CCSER2: variants seen among roughly 807,000 people sequenced by gnomAD.
CCSER2 encodes coiled-coil serine rich protein 2, also known as serine-rich coiled-coil domain-containing protein 2.
CCSER2 carries 46 observed loss-of-function variants against 92.3 expected under a neutral mutation model. The ratio of observed to expected loss-of-function variants is 0.50; its 90% confidence interval spans 0.39 to 0.64. The LOEUF (loss-of-function observed/expected upper bound fraction) is 0.64. Among genes scored for constraint, CCSER2 ranks in the 30% least tolerant of loss-of-function variants. The pLI, the probability that CCSER2 is intolerant of heterozygous loss-of-function variation, is 0.00. For missense variants in CCSER2, 1,244 were observed against 1,238.9 expected (o/e 1.00, Z -0.06); for synonymous variants, 433 against 431.4 (o/e 1.00, Z -0.04).
chr10:84,386,824 T>TA (rs1841238961), intron 3 of CCSER2, among the ~76,000 whole-genome samples: 2 of 152,176 alleles, frequency 1.3e-5, no homozygotes, highest in East Asian at 3.9e-4. Flanking sequence ...CTAAGTATAA[T>TA]AAGTCAGAAA....
chr10:84,466,085 C>CA, intron 7 of CCSER2, among the ~76,000 whole-genome samples: 1 of 152,308 alleles, frequency 6.6e-6, no homozygotes, highest in East Asian at 1.9e-4. Context: ...GTCCCTGCTC[C>CA]ATTTCCTTCC....
chr10:84,353,701 G>C (rs1162337190), intron 1 of CCSER2, among the ~76,000 whole-genome samples: 1 of 152,084 alleles, frequency 6.6e-6, no homozygotes, highest in Admixed American at 6.6e-5. Flanking sequence ...CTTTCTTCTG[G>C]ACTTAGCTGT....
intron 9 of CCSER2, among the ~76,000 whole-genome samples, chr10:84,486,040 A>G (rs1240914240): frequency 1.3e-5 from 2 of 152,178 alleles, no homozygotes; most frequent in African/African-American, 2.4e-5. Context: ...GATGGTTTCC[A>G]GCTTCATCCA....
intron 1 of CCSER2, among the ~76,000 whole-genome samples, chr10:84,343,601 A>G (rs1844321725): frequency 6.6e-6 from 1 of 152,204 alleles, no homozygotes; most frequent in Non-Finnish European, 1.5e-5. Context: ...TTAAAGGTCG[A>G]TTTCCTAAAT....
intron 5 of CCSER2, among the ~76,000 whole-genome samples, chr10:84,433,011 A>G (rs1268261523): frequency 2.6e-5 from 4 of 152,184 alleles, no homozygotes; most frequent in Non-Finnish European, 4.4e-5. Flanking sequence ...GTCGAAGATC[A>G]ATTGACTGTG....
At chr10:84,392,900 T>C (rs1841606481) in intron 3 of CCSER2, among the ~76,000 whole-genome samples, 1 of 152,134 alleles carries the variant, frequency 6.6e-6, no homozygotes. Context: ...CAATATGTTA[T>C]TTTTTAAAGT....
At chr10:84,435,969 A>G (rs1329726003) in intron 5 of CCSER2, among the ~76,000 whole-genome samples, 1 of 151,286 alleles carries the variant, frequency 6.6e-6, no homozygotes, top group Non-Finnish European at 1.5e-5. Context: ...GACTACTCAG[A>G]GGTTGTGGGT....
At chr10:84,436,423 C>A (rs1247105443) in intron 5 of CCSER2, among the ~76,000 whole-genome samples, 1 of 146,908 alleles carries the variant, frequency 6.8e-6, no homozygotes, top group East Asian at 2.1e-4. Flanking sequence ...ATCACGAGGT[C>A]AGGAAATCGA....
chr10:84,437,130 TACAC>T (rs141781493), intron 5 of CCSER2, among the ~76,000 whole-genome samples: 41 of 147,588 alleles, frequency 2.8e-4, no homozygotes, highest in South Asian at 2.0e-3. Context: ...GCCAACCAAA[TACAC>T]ACACACACAC....
At chr10:84,456,007 G>C in intron 6 of CCSER2, 1 of 539,552 alleles carries the variant, frequency 1.9e-6, no homozygotes, top group Non-Finnish European at 3.6e-6. Flanking sequence ...GCCTTCTCCA[G>C]CAACACCTTT....
chr10:84,416,636 A>T (rs970482220), intron 3 of CCSER2, among the ~76,000 whole-genome samples: 2 of 152,170 alleles, frequency 1.3e-5, no homozygotes, highest in Non-Finnish European at 2.9e-5. Flanking sequence ...CCCTTCTATA[A>T]GAGTTTTTTT....
intron 9 of CCSER2, among the ~76,000 whole-genome samples, chr10:84,506,952 A>G (rs1195421585): frequency 6.6e-6 from 1 of 152,214 alleles, no homozygotes; most frequent in African/African-American, 2.4e-5. Flanking sequence ...TATGAATATT[A>G]AATTTTATCA....
intron 9 of CCSER2, among the ~76,000 whole-genome samples, chr10:84,511,360 T>C (rs2131880732): frequency 6.6e-6 from 1 of 152,310 alleles, no homozygotes; most frequent in South Asian, 2.1e-4. Flanking sequence ...AGTACAAATT[T>C]ATAGTGCACA....
At chr10:84,495,944 A>T (rs1003303691) in intron 9 of CCSER2, among the ~76,000 whole-genome samples, 2 of 150,282 alleles carry the variant, frequency 1.3e-5, no homozygotes, top group Admixed American at 1.3e-4. Flanking sequence ...AATTTTTGCT[A>T]TGTAAGTCTG....
At chr10:84,507,390 T>G (rs1201986576) in intron 9 of CCSER2, 7 of 830,372 alleles carry the variant, frequency 8.4e-6, no homozygotes, top group South Asian at 1.1e-4. Flanking sequence ...CTTTTTTTGG[T>G]TTTTTTTTCC....
chr10:84,436,860 GAATATTTGA>G (rs1233199118), intron 5 of CCSER2, among the ~76,000 whole-genome samples: 1 of 152,120 alleles, frequency 6.6e-6, no homozygotes, highest in African/African-American at 2.4e-5. Flanking sequence ...ACCTCATACT[GAATATTTGA>G]GAATTCAGAG....
At chr10:84,387,242 T>G (rs61865047) in intron 3 of CCSER2, among the ~76,000 whole-genome samples, 8 of 152,000 alleles carry the variant, frequency 5.3e-5, no homozygotes, top group Non-Finnish European at 1.0e-4. Flanking sequence ...CTCCCCTCCC[T>G]CTAAGGGTTA....
At chr10:84,348,148 TC>T (rs1844637527) in intron 1 of CCSER2, among the ~76,000 whole-genome samples, 1 of 152,168 alleles carries the variant, frequency 6.6e-6, no homozygotes, top group South Asian at 2.1e-4. Context: ...GCCACTGCAC[TC>T]CAGCCTGGGC....
chr10:84,335,333 ATCC>A (rs1843777719), intron 1 of CCSER2, among the ~76,000 whole-genome samples: 1 of 140,120 alleles, frequency 7.1e-6, no homozygotes, highest in African/African-American at 2.7e-5. Context: ...GGCTCTAGCT[ATCC>A]TCCTGCCTTG....
Sources: allele counts gnomAD v4.1 joint callset (sites outside exome capture counted in the v4.1 genomes callset), GRCh38; gene constraint gnomAD v4.1.1; transcripts MANE v1.5; gene names NCBI Gene and HGNC (gene_info 2026-07-23, HGNC 2026-07-21).